The following TBCK variants were observed in gnomAD, a reference collection of about 807,000 sequenced individuals.
The protein encoded by TBCK is TBC domain-containing protein kinase-like protein.
In TBCK, 99 loss-of-function variants were observed where a neutral mutation model predicts 113.4. The observed-to-expected ratio is 0.87, with a 90% confidence interval of 0.74 to 1.03. The LOEUF (loss-of-function observed/expected upper bound fraction) is 1.03. TBCK is among the 50% of genes least tolerant of loss of function. The probability of loss-of-function intolerance (pLI) is 0.00; values close to 1 mark genes in which losing one functional copy is unlikely to be tolerated. For synonymous variants in TBCK, 369 were observed against 370.8 expected, an observed-to-expected ratio of 1.00 and a Z score of 0.05; for missense variants, 1,045 against 1,061.3, an observed-to-expected ratio of 0.98 and a Z score of 0.21.
At chr4:106,261,458 C>G (rs1762498789) in intron 4 of TBCK, among the ~76,000 whole-genome samples, 2 of 151,948 alleles carry the variant, frequency 1.3e-5, no homozygotes, top group Non-Finnish European at 2.9e-5. Context: ...CCTAACACAG[C>G]AAATAATGCC....
chr4:106,291,134 A>C (rs927683669), intron 3 of TBCK, among the ~76,000 whole-genome samples: 2 of 152,182 alleles, frequency 1.3e-5, no homozygotes, highest in African/African-American at 4.8e-5. Context: ...GTACAGCTGC[A>C]TCTGGTGGCA....
At chr4:106,086,591 C>A (rs1246776572) in intron 25 of TBCK, among the ~76,000 whole-genome samples, 1 of 152,196 alleles carries the variant, frequency 6.6e-6, no homozygotes, top group African/African-American at 2.4e-5. Context: ...ATGAAGCCAG[C>A]ATCATCCTGA....
chr4:106,304,011 C>G (rs143444574), intron 2 of TBCK, among the ~76,000 whole-genome samples: 1 of 152,086 alleles, frequency 6.6e-6, no homozygotes, highest in Non-Finnish European at 1.5e-5. Flanking sequence ...CACATACACA[C>G]GGTTCTCCTT....
intron 20 of TBCK, among the ~76,000 whole-genome samples, chr4:106,208,788 G>T (rs1045909243): frequency 8.5e-5 from 13 of 152,132 alleles, no homozygotes; most frequent in Non-Finnish European, 1.6e-4. Context: ...ACCTCCATTT[G>T]TTGGGCTGTG....
At chr4:106,282,585 T>A (rs1340460912) in intron 3 of TBCK, among the ~76,000 whole-genome samples, 1 of 152,162 alleles carries the variant, frequency 6.6e-6, no homozygotes, top group Non-Finnish European at 1.5e-5. Flanking sequence ...TCCACAGGTT[T>A]TGGTATATTG....
At chr4:106,156,492 T>G (rs1315796718) in intron 23 of TBCK, among the ~76,000 whole-genome samples, 1 of 152,110 alleles carries the variant, frequency 6.6e-6, no homozygotes, top group African/African-American at 2.4e-5. Flanking sequence ...GGTCCAGAGG[T>G]GCCATCTGCG....
At chr4:106,278,850 G>A (rs1426345021) in intron 3 of TBCK, among the ~76,000 whole-genome samples, 1 of 151,876 alleles carries the variant, frequency 6.6e-6, no homozygotes. Context: ...GATGCATAAT[G>A]TAAACTCTAT....
At chr4:106,234,820 A>G (rs766067134) in intron 15 of TBCK, among the ~76,000 whole-genome samples, 2 of 152,104 alleles carry the variant, frequency 1.3e-5, no homozygotes, top group Non-Finnish European at 2.9e-5. Flanking sequence ...TTCTCTTGGT[A>G]GCATAGTCCA....
Position 106,244,777 on chromosome 4 carries a change from A to T in TBCK, c.932-13T>A, listed in dbSNP as rs1760577521. 1 of 1,474,216 alleles carries T rather than the reference A, an allele frequency of 6.8e-7. No homozygotes were observed. The highest frequency in any genetic ancestry group is 9.3e-7 in the Non-Finnish European group (1 of 1,073,848). The allele number at this position is 1,474,216 out of a possible 1,614,324, so 91.3% of individuals were successfully genotyped here. Reference sequence around the variant, plus strand: ...TCATTATTTATATCTATTAAAAGCAAATTTAAGGAATCATTGTATTATATT... The same window carrying T: ...TCATTATTTATATCTATTAAAAGCATATTTAAGGAATCATTGTATTATATT... On this transcript the variant is annotated splice_polypyrimidine_tract_variant and intron_variant, in intron 10 of 25. Transcript: ENST00000394708.
At chr4:106,234,277 T>C (rs988198033) in intron 15 of TBCK, among the ~76,000 whole-genome samples, 1 of 152,144 alleles carries the variant, frequency 6.6e-6, no homozygotes, top group Non-Finnish European at 1.5e-5. Context: ...TTTAGCATTA[T>C]ATTGTTCTAC....
intron 2 of TBCK, among the ~76,000 whole-genome samples, chr4:106,297,902 TTG>T (rs1766480385): frequency 1.3e-5 from 2 of 152,214 alleles, no homozygotes; most frequent in African/African-American, 2.4e-5. Context: ...CACAGGGTTG[TTG>T]TGAGGTTGAA....
At chr4:106,120,090 C>A (rs930760471) in intron 23 of TBCK, among the ~76,000 whole-genome samples, 10 of 152,058 alleles carry the variant, frequency 6.6e-5, no homozygotes, top group African/African-American at 2.4e-4. Flanking sequence ...AGACAGTGGG[C>A]GCAGGTAAAT....
chr4:106,261,009 T>A (rs1017579623), intron 4 of TBCK, among the ~76,000 whole-genome samples: 3 of 152,028 alleles, frequency 2.0e-5, no homozygotes, highest in Non-Finnish European at 4.4e-5. Flanking sequence ...AGATTTTCAA[T>A]AACTTTTTAT....
At chr4:106,083,452 G>C (rs1739131295) in intron 25 of TBCK, among the ~76,000 whole-genome samples, 10 of 152,226 alleles carry the variant, frequency 6.6e-5, no homozygotes, top group Admixed American at 6.5e-4. Flanking sequence ...CAGAGCCCCT[G>C]GGGGATCGGG....
chr4:106,234,631 T>C (rs772552081), intron 15 of TBCK, among the ~76,000 whole-genome samples: 2 of 151,994 alleles, frequency 1.3e-5, no homozygotes, highest in African/African-American at 2.4e-5. Flanking sequence ...AAAGGAAGGA[T>C]AATTATCTAT....
intron 22 of TBCK, among the ~76,000 whole-genome samples, chr4:106,184,675 T>C (rs990694522): frequency 6.6e-6 from 1 of 152,142 alleles, no homozygotes; most frequent in Admixed American, 6.6e-5. Context: ...CACAATCTTC[T>C]TAGTTAATGT....
intron 19 of TBCK, among the ~76,000 whole-genome samples, chr4:106,227,372 T>C (rs1255646685): frequency 1.4e-5 from 2 of 146,418 alleles, no homozygotes; most frequent in East Asian, 3.8e-4. Context: ...AATGTTTTTA[T>C]GTGCTAAGCT....
At chr4:106,111,588 G>T (rs1330842807) in intron 24 of TBCK, among the ~76,000 whole-genome samples, 1 of 152,122 alleles carries the variant, frequency 6.6e-6, no homozygotes, top group Non-Finnish European at 1.5e-5. Flanking sequence ...CAGTAGAAAA[G>T]AATTTCCTAA....
chr4:106,072,676 T>C (rs1033051675), intron 25 of TBCK, among the ~76,000 whole-genome samples: 2 of 152,208 alleles, frequency 1.3e-5, no homozygotes, highest in African/African-American at 4.8e-5. Flanking sequence ...TCCTGGATAA[T>C]AGCCTGAAGA....
Sources: allele counts gnomAD v4.1 joint callset (sites outside exome capture counted in the v4.1 genomes callset), GRCh38; gene constraint gnomAD v4.1.1; transcripts MANE v1.5; gene names NCBI Gene and HGNC (gene_info 2026-07-23, HGNC 2026-07-21).